ESR1: variants seen among roughly 807,000 people sequenced by gnomAD.
ESR1 encodes estrogen receptor.
In ESR1, 12 loss-of-function variants were observed where a neutral mutation model predicts 52.7. That is an observed-to-expected ratio of 0.23 (90% CI 0.15 to 0.37). The LOEUF is 0.37. ESR1 is among the 10% of genes least tolerant of loss of function. The probability of loss-of-function intolerance (pLI) is 1.00; values close to 1 mark genes in which losing one functional copy is unlikely to be tolerated. For synonymous variants in ESR1, 305 were observed against 316.8 expected (o/e 0.96, Z 0.39); for missense variants, 584 against 779.7 (o/e 0.75, Z 2.99).
intron 1 of ESR1, among the ~76,000 whole-genome samples, chr6:151,820,672 A>G (rs962554461): frequency 1.3e-5 from 2 of 152,196 alleles, no homozygotes; most frequent in Non-Finnish European, 2.9e-5. Context: ...TTAGTTTGTT[A>G]CTTCCTTGTC....
At chr6:151,856,773 G>A (rs1787919656) in intron 2 of ESR1, among the ~76,000 whole-genome samples, 1 of 152,206 alleles carries the variant, frequency 6.6e-6, no homozygotes, top group South Asian at 2.1e-4. Flanking sequence ...CTGACTTTCT[G>A]TAAATCCCGG....
chr6:151,917,050 A>G (rs187887308), intron 3 of ESR1, among the ~76,000 whole-genome samples: 1 of 152,304 alleles, frequency 6.6e-6, no homozygotes, highest in Admixed American at 6.5e-5. Flanking sequence ...AAGAGAATGT[A>G]ATTGGATGTT....
At chr6:151,817,404 T>C (rs910239082) in intron 1 of ESR1, among the ~76,000 whole-genome samples, 3 of 151,946 alleles carry the variant, frequency 2.0e-5, no homozygotes, top group African/African-American at 7.3e-5. Flanking sequence ...GAAGTGAGAC[T>C]AGTGATGTGC....
chr6:152,104,352 C>T (rs1386973559), downstream of ESR1, among the ~76,000 whole-genome samples: 1 of 152,178 alleles, frequency 6.6e-6, no homozygotes, highest in Non-Finnish European at 1.5e-5. Flanking sequence ...AGCACTTACC[C>T]TATAGCAGTA....
intron 3 of ESR1, among the ~76,000 whole-genome samples, chr6:151,938,076 G>T (rs2034585743): frequency 6.6e-6 from 1 of 152,016 alleles, no homozygotes; most frequent in Admixed American, 6.6e-5. Flanking sequence ...GTATTTCTTT[G>T]TCTTGCCTTT....
At chr6:151,875,978 G>A (rs1791740371) in intron 2 of ESR1, among the ~76,000 whole-genome samples, 1 of 152,316 alleles carries the variant, frequency 6.6e-6, no homozygotes, top group East Asian at 1.9e-4. Context: ...ACCCTGTGGG[G>A]AAGGATTGGC....
At chr6:151,934,830 C>T (rs1298749052) in intron 3 of ESR1, among the ~76,000 whole-genome samples, 1 of 152,180 alleles carries the variant, frequency 6.6e-6, no homozygotes. Flanking sequence ...ATAATTCCAG[C>T]AATTACAGAA....
intron 2 of ESR1, among the ~76,000 whole-genome samples, chr6:151,794,187 A>G (rs1353455913): frequency 2.0e-5 from 3 of 152,212 alleles, no homozygotes; most frequent in Non-Finnish European, 2.9e-5. Context: ...TGAAAAGTTA[A>G]CCATAAATAT....
chr6:152,012,716 C>G (rs2042879548), intron 5 of ESR1, among the ~76,000 whole-genome samples: 1 of 152,190 alleles, frequency 6.6e-6, no homozygotes, highest in Admixed American at 6.5e-5. Flanking sequence ...CCATAGCATT[C>G]TGTTTTCCAG....
chr6:151,872,464 T>A (rs1020528985), intron 2 of ESR1, among the ~76,000 whole-genome samples: 3 of 152,230 alleles, frequency 2.0e-5, no homozygotes, highest in Non-Finnish European at 4.4e-5. Flanking sequence ...ACTTTGCTAC[T>A]CAAAGATGAT....
intron 5 of ESR1, among the ~76,000 whole-genome samples, chr6:152,048,785 T>G (rs1424724328): frequency 6.6e-5 from 10 of 152,238 alleles, no homozygotes; most frequent in African/African-American, 2.4e-4. Context: ...GATGAAGTAT[T>G]AATTGTATTT....
chr6:152,039,715 A>C (rs2982721), intron 5 of ESR1, among the ~76,000 whole-genome samples: 66,765 of 151,934 alleles, frequency 0.44, 16,613 homozygotes, highest in African/African-American at 0.67. Flanking sequence ...GATCCGGAGC[A>C]TACACAGCCT....
chr6:152,119,043 G>A (rs7771845), intron 6 of ESR1, among the ~76,000 whole-genome samples: 4 of 152,100 alleles, frequency 2.6e-5, no homozygotes, highest in African/African-American at 9.7e-5. Flanking sequence ...CTGTCCACTG[G>A]GCTGCTTTCA....
At chr6:151,829,663 A>G (rs1196932566) in intron 1 of ESR1, among the ~76,000 whole-genome samples, 2 of 152,226 alleles carry the variant, frequency 1.3e-5, no homozygotes, top group African/African-American at 2.4e-5. Flanking sequence ...AGCTGGCTAC[A>G]GATGTTATTG....
At chr6:152,107,075 T>A (rs2051075636), downstream of ESR1, among the ~76,000 whole-genome samples, 1 of 152,164 alleles carries the variant, frequency 6.6e-6, no homozygotes, top group Non-Finnish European at 1.5e-5. Context: ...TTGGTGTAGA[T>A]CTTTTTGTAT....
At chr6:151,984,698 G>A (rs1023919659) in intron 4 of ESR1, among the ~76,000 whole-genome samples, 1 of 152,066 alleles carries the variant, frequency 6.6e-6, no homozygotes, top group Non-Finnish European at 1.5e-5. Flanking sequence ...TCTTGAATAA[G>A]CTGCTTCAAT....
intron 2 of ESR1, among the ~76,000 whole-genome samples, chr6:151,797,305 T>C (rs1464360347): frequency 6.6e-6 from 1 of 152,242 alleles, no homozygotes; most frequent in Admixed American, 6.5e-5. Flanking sequence ...AAGAGTTATA[T>C]TTAGTTCAGT....
At chr6:151,701,183 A>G (rs1358856984) in intron 1 of ESR1, among the ~76,000 whole-genome samples, 1 of 150,742 alleles carries the variant, frequency 6.6e-6, no homozygotes, top group African/African-American at 2.4e-5. Flanking sequence ...GCTGCTGCAC[A>G]TGTGATTTGA....
chr6:151,942,509 G>A (rs886523629), intron 3 of ESR1, among the ~76,000 whole-genome samples: 2 of 151,884 alleles, frequency 1.3e-5, no homozygotes, highest in African/African-American at 4.8e-5. Context: ...AGTGCTGAAT[G>A]CATATTAGAA....
Sources: allele counts gnomAD v4.1 joint callset (sites outside exome capture counted in the v4.1 genomes callset), GRCh38; gene constraint gnomAD v4.1.1; transcripts MANE v1.5; gene names NCBI Gene and HGNC (gene_info 2026-07-23, HGNC 2026-07-21).